The following SMYD3 variants were observed in gnomAD, a reference collection of about 807,000 sequenced individuals.
The protein encoded by SMYD3 is histone-lysine N-methyltransferase SMYD3.
In SMYD3, 36 loss-of-function variants were observed where a neutral mutation model predicts 57.7. The observed-to-expected ratio is 0.62, with a 90% CI of 0.48 to 0.82. The LOEUF (loss-of-function observed/expected upper bound fraction) is 0.82. SMYD3 is among the 40% of genes least tolerant of loss of function. SMYD3 has a pLI of 0.00. For synonymous variants in SMYD3, 211 were observed against 195.0 expected, an observed-to-expected ratio of 1.08 and a Z score of -0.68; for missense variants, 515 against 538.8, an observed-to-expected ratio of 0.96 and a Z score of 0.44.
chr1:246,494,768 A>C (rs548673918), intron 1 of SMYD3, among the ~76,000 whole-genome samples: 1 of 152,250 alleles, frequency 6.6e-6, no homozygotes, highest in East Asian at 1.9e-4. Flanking sequence ...TGTGAGAAAC[A>C]TCTATCATAA....
chr1:246,238,695 A>ATCTTCTTTCT (rs1222692084), intron 5 of SMYD3, among the ~76,000 whole-genome samples: 1 of 152,104 alleles, frequency 6.6e-6, no homozygotes, highest in African/African-American at 2.4e-5. Context: ...ATCTCAGATT[A>ATCTTCTTTCT]TCTTCTTTCT....
intron 5 of SMYD3, among the ~76,000 whole-genome samples, chr1:246,190,153 A>G (rs906649708): frequency 6.6e-6 from 1 of 152,254 alleles, no homozygotes; most frequent in Non-Finnish European, 1.5e-5. Flanking sequence ...ACTAAGTGTC[A>G]GACCTTGGCC....
Position 246,418,702 on chromosome 1 carries a change from G to A in SMYD3, c.165-63608C>T, listed in dbSNP as rs561138768. On this transcript the variant is annotated intron_variant, in intron 1 of 11. Coordinates refer to ENST00000490107, the MANE Select transcript of SMYD3 (RefSeq NM_001167740.2). ...AGGGAAATGGTTTTCTCCCGGAGTCGGGCGCTCGGTGACCTGGGCTCTCCT... is the reference window on the plus strand; with the variant it reads ...AGGGAAATGGTTTTCTCCCGGAGTCAGGCGCTCGGTGACCTGGGCTCTCCT... Among the ~76,000 whole-genome samples, 7 of 152,150 alleles carry A rather than the reference G, an allele frequency of 4.6e-5. No homozygotes were observed. The East Asian group carries it at 5.8e-4, about 13-fold the overall frequency.
chr1:246,488,662 G>T (rs1393592559), intron 1 of SMYD3, among the ~76,000 whole-genome samples: 1 of 152,132 alleles, frequency 6.6e-6, no homozygotes, highest in Non-Finnish European at 1.5e-5. Context: ...CTCCAGCTTG[G>T]GTGACACAGT....
intron 5 of SMYD3, among the ~76,000 whole-genome samples, chr1:246,091,976 A>G (rs2060830780): frequency 6.6e-6 from 1 of 152,246 alleles, no homozygotes; most frequent in Non-Finnish European, 1.5e-5. Flanking sequence ...TCATAGACAC[A>G]GAAATCTGGA....
chr1:245,842,458 T>C (rs2050452473), intron 10 of SMYD3, among the ~76,000 whole-genome samples: 1 of 152,006 alleles, frequency 6.6e-6, no homozygotes, highest in Admixed American at 6.6e-5. Context: ...TTCAAGTCAA[T>C]GGAACAATTA....
intron 1 of SMYD3, among the ~76,000 whole-genome samples, chr1:246,386,148 A>G (rs12744755): frequency 3.3e-5 from 5 of 152,164 alleles, no homozygotes; most frequent in Non-Finnish European, 7.3e-5. Flanking sequence ...TCAACCTTCC[A>G]AAGTACTGAG....
intron 8 of SMYD3, among the ~76,000 whole-genome samples, chr1:245,885,152 C>G (rs191897396): frequency 1.3e-5 from 2 of 152,294 alleles, no homozygotes; most frequent in Non-Finnish European, 2.9e-5. Flanking sequence ...CGGCTTCACT[C>G]CTGAAGTCAG....
chr1:246,015,911 A>T (rs2059368986), intron 5 of SMYD3, among the ~76,000 whole-genome samples: 1 of 152,174 alleles, frequency 6.6e-6, no homozygotes, highest in African/African-American at 2.4e-5. Flanking sequence ...TGGGGGGTGT[A>T]TACCTAGAAA....
chr1:246,266,602 T>C (rs1039377667), intron 5 of SMYD3, among the ~76,000 whole-genome samples: 1 of 152,136 alleles, frequency 6.6e-6, no homozygotes, highest in African/African-American at 2.4e-5. Flanking sequence ...CACTGAATAC[T>C]CTCTGAATAG....
intron 5 of SMYD3, among the ~76,000 whole-genome samples, chr1:246,087,976 A>C (rs934408694): frequency 6.6e-6 from 1 of 152,140 alleles, no homozygotes; most frequent in Admixed American, 6.5e-5. Context: ...GCTTTTATTG[A>C]AAAAACATAC....
chr1:245,765,834 C>T (rs944356285), intron 10 of SMYD3, among the ~76,000 whole-genome samples: 16 of 152,062 alleles, frequency 1.1e-4, no homozygotes, highest in South Asian at 2.1e-4. Flanking sequence ...ATGTGCCAGG[C>T]GCTGTTCCAA....
intron 10 of SMYD3, among the ~76,000 whole-genome samples, chr1:245,793,198 A>G (rs550131938): frequency 6.6e-6 from 1 of 151,128 alleles, no homozygotes; most frequent in African/African-American, 2.4e-5. Flanking sequence ...AGTCCCAGCT[A>G]CTCGGGAGGC....
At chr1:246,036,843 C>G (rs2059784965) in intron 5 of SMYD3, among the ~76,000 whole-genome samples, 1 of 151,676 alleles carries the variant, frequency 6.6e-6, no homozygotes, top group Admixed American at 6.6e-5. Context: ...GGATTATAGG[C>G]ATGAGCCACC....
chr1:245,870,120 C>T (rs890118776), intron 8 of SMYD3, among the ~76,000 whole-genome samples: 1 of 152,194 alleles, frequency 6.6e-6, no homozygotes, highest in Non-Finnish European at 1.5e-5. Context: ...GAGAAGTGAT[C>T]TTCCACAACC....
At chr1:246,481,625 T>TACACAC in intron 1 of SMYD3, among the ~76,000 whole-genome samples, 1 of 90,442 alleles carries the variant, frequency 1.1e-5, no homozygotes, top group Non-Finnish European at 2.0e-5. Context: ...CATATATACA[T>TACACAC]ACATACATAC....
rs1418743380 is a variant in SMYD3, at chr1:245,861,549, C to G, written c.901+2250G>C. On this transcript the variant is annotated intron_variant, in intron 9 of 11. Transcript: ENST00000490107. ...CCTCCTCTCACCTATAAAGTCTAAC[C>G]GGTGCATGGCAGTTAAGGCCTTGCC... Among the ~76,000 whole-genome samples, 3 of 152,196 alleles carry G rather than the reference C, an allele frequency of 2.0e-5. No individual in the cohort carries two copies. The East Asian group carries it at 5.8e-4, about 29-fold the overall frequency.
At chr1:246,386,657 T>C (rs1038625490) in intron 1 of SMYD3, among the ~76,000 whole-genome samples, 2 of 138,024 alleles carry the variant, frequency 1.4e-5, no homozygotes, top group Non-Finnish European at 3.2e-5. Flanking sequence ...AAAAAAAAAA[T>C]TGTCAGTCAC....
At chr1:246,335,538 T>C (rs2065529405) in intron 2 of SMYD3, 64 bp from the exon 3 acceptor site, 1 of 1,285,240 alleles carries the variant, frequency 7.8e-7, no homozygotes. Flanking sequence ...TATACTGGTT[T>C]TGAACATCAA....
Sources: gnomAD v4.1 joint callset for allele counts (sites outside exome capture counted in the v4.1 genomes callset) on GRCh38, gnomAD v4.1.1 for gene constraint, MANE v1.5 for transcripts, NCBI Gene and HGNC (gene_info 2026-07-23, HGNC 2026-07-21) for gene names.